Variants in ADCY2 observed in about 807,000 individuals in gnomAD.
ADCY2 encodes adenylate cyclase type 2.
Under a neutral mutation model 125.2 loss-of-function variants are expected in ADCY2, and 31 were observed. The ratio of observed to expected loss-of-function variants is 0.25; its 90% confidence interval spans 0.19 to 0.33. The LOEUF (loss-of-function observed/expected upper bound fraction) is 0.33, where lower values mean the gene tolerates loss of function less well. ADCY2 is among the 10% of genes least tolerant of loss of function. The probability of loss-of-function intolerance (pLI) is 1.00; values close to 1 mark genes in which losing one functional copy is unlikely to be tolerated. For synonymous variants in ADCY2, 512 were observed against 548.4 expected (o/e 0.93, Z 0.93); for missense variants, 904 against 1,418.2 (o/e 0.64, Z 5.82).
chr5:7,730,045 C>G (rs1742054300), intron 14 of ADCY2, among the ~76,000 whole-genome samples: 2 of 152,132 alleles, frequency 1.3e-5, no homozygotes, highest in South Asian at 4.1e-4. Flanking sequence ...TACCCTTCCC[C>G]CTTTGGAGTC....
chr5:7,712,781 G>A, intron 10 of ADCY2, 75 bp from the exon 11 acceptor site: 2 of 1,013,674 alleles, frequency 2.0e-6, no homozygotes, highest in Non-Finnish European at 3.1e-6. Flanking sequence ...GAGGAAATAT[G>A]TTTCACCTAA....
At chr5:7,536,207 T>C (rs1734806336) in intron 3 of ADCY2, among the ~76,000 whole-genome samples, 1 of 152,232 alleles carries the variant, frequency 6.6e-6, no homozygotes, top group Non-Finnish European at 1.5e-5. Context: ...TCCTCCAGAC[T>C]TTCCCTGCTG....
chr5:7,447,647 T>C (rs1301568423), intron 2 of ADCY2, among the ~76,000 whole-genome samples: 1 of 152,182 alleles, frequency 6.6e-6, no homozygotes, highest in African/African-American at 2.4e-5. Context: ...CAGGGGGTCC[T>C]GCACAGTGAA....
chr5:7,459,772 A>ATTTTTTTTTTTTTTTTTT (rs3033085), intron 2 of ADCY2, among the ~76,000 whole-genome samples: 2 of 72,862 alleles, frequency 2.7e-5, no homozygotes, highest in African/African-American at 6.1e-5. Flanking sequence ...TTAAGAGGTA[A>ATTTTTTTTTTTTTTTTTT]TTTTTTTTTT....
intron 1 of ADCY2, among the ~76,000 whole-genome samples, chr5:7,404,543 C>A (rs560581733): frequency 1.1e-4 from 17 of 152,362 alleles, no homozygotes; most frequent in Admixed American, 7.8e-4. Context: ...CAACACACTT[C>A]TTTCCTAATT....
rs535518166 is a variant in ADCY2 at position 7,423,483 on chromosome 5, A to T, written c.408+8713A>T. 2.6e-5 allele frequency among the ~76,000 whole-genome samples: 4 copies of T among 152,266 alleles called. No individual in the cohort carries two copies. In the South Asian group the frequency reaches 8.3e-4, roughly 32 times the overall value. On this transcript the variant is annotated intron_variant, in intron 2 of 24. Coordinates refer to ENST00000338316, the MANE Select transcript of ADCY2 (RefSeq NM_020546.3). ...GTTCTGGTGATAGTGAGTAAGTCTT[A>T]TGAGATCTGATGGTTTTATAAAGGA... is the stretch of plus-strand genomic sequence containing the variant.
chr5:7,647,453 G>A (rs1738939331), intron 4 of ADCY2, among the ~76,000 whole-genome samples: 1 of 152,100 alleles, frequency 6.6e-6, no homozygotes, highest in South Asian at 2.1e-4. Flanking sequence ...AGTGCATGTG[G>A]GCCCTGTGTG....
Position 7,826,712 on chromosome 5 carries a change from C to T in ADCY2, c.3124-7C>T. ...AGCCCGTTTTCCCGTGTTCCTGTGC[C>T]TTCTAGGTTACCGAGGAGACGAGCC... On this transcript the variant is annotated splice_polypyrimidine_tract_variant and splice_region_variant and intron_variant, in intron 24 of 24. Transcript: ENST00000338316. 6.2e-7 allele frequency: 1 copy of T among 1,613,888 alleles called. No individual in the cohort carries two copies. Among genetic ancestry groups the T allele is most frequent in the South Asian group, 1.1e-5 (1 of 91,000 alleles).
chr5:7,665,159 C>G (rs1314832635), intron 4 of ADCY2, among the ~76,000 whole-genome samples: 3 of 152,162 alleles, frequency 2.0e-5, no homozygotes, highest in Non-Finnish European at 2.9e-5. Flanking sequence ...GCCATGGTCA[C>G]TCATATTTGG....
At chr5:7,518,328 T>C (rs933524969) in intron 2 of ADCY2, among the ~76,000 whole-genome samples, 2 of 151,974 alleles carry the variant, frequency 1.3e-5, no homozygotes, top group African/African-American at 4.8e-5. Context: ...CCTGTGTAGA[T>C]AGAGCATCGC....
chr5:7,708,163 T>C, intron 9 of ADCY2: 1 of 196,990 alleles, frequency 5.1e-6, no homozygotes, highest in Non-Finnish European at 1.0e-5. Flanking sequence ...TGTTGATACC[T>C]GTCAGTTGGG....
chr5:7,609,699 T>C (rs186948908), intron 3 of ADCY2, among the ~76,000 whole-genome samples: 1 of 152,166 alleles, frequency 6.6e-6, no homozygotes, highest in Non-Finnish European at 1.5e-5. Context: ...ACATTTACTT[T>C]TGGCAAATGA....
chr5:7,492,998 G>T (rs1743219639), intron 2 of ADCY2, among the ~76,000 whole-genome samples: 2 of 152,186 alleles, frequency 1.3e-5, no homozygotes, highest in African/African-American at 4.8e-5. Context: ...CTTGTGCTCA[G>T]CCGGGGTTCT....
chr5:7,767,414 A>G (rs1743417056), intron 17 of ADCY2, among the ~76,000 whole-genome samples: 1 of 147,388 alleles, frequency 6.8e-6, no homozygotes, highest in Non-Finnish European at 1.5e-5. Context: ...CGTTTGTGGA[A>G]AAAAAAAAAG....
intron 3 of ADCY2, among the ~76,000 whole-genome samples, chr5:7,594,523 G>A (rs576368190): frequency 6.6e-6 from 1 of 152,334 alleles, no homozygotes; most frequent in South Asian, 2.1e-4. Flanking sequence ...GTCCCAGTTT[G>A]TAAGTAGCCA....
At chr5:7,665,681 C>T (rs987328764) in intron 4 of ADCY2, among the ~76,000 whole-genome samples, 11 of 151,922 alleles carry the variant, frequency 7.2e-5, no homozygotes, top group South Asian at 2.1e-4. Flanking sequence ...CTTAGGTCAT[C>T]GCTGGAGAGA....
chr5:7,743,579 T>A, intron 14 of ADCY2, 89 bp from the exon 15 acceptor site: 1 of 1,186,096 alleles, frequency 8.4e-7, no homozygotes, highest in Non-Finnish European at 1.2e-6. Flanking sequence ...TTTAATAAAG[T>A]CCTCGTTAAC....
At chr5:7,820,718 G>T (rs748909715) in intron 24 of ADCY2, 29 bp downstream of exon 24, 56 of 1,601,238 alleles carry the variant, frequency 3.5e-5, no homozygotes, top group Non-Finnish European at 4.4e-5. Flanking sequence ...TGCGCTGCCT[G>T]CATCAACCAT....
chr5:7,659,343 T>C (rs1025203924), intron 4 of ADCY2, among the ~76,000 whole-genome samples: 1 of 152,248 alleles, frequency 6.6e-6, no homozygotes, highest in Admixed American at 6.5e-5. Flanking sequence ...ACATGACTTC[T>C]TTGTGTGTAT....
Sources: allele counts gnomAD v4.1 joint callset (sites outside exome capture counted in the v4.1 genomes callset), GRCh38; gene constraint gnomAD v4.1.1; transcripts MANE v1.5; gene names NCBI Gene and HGNC (gene_info 2026-07-23, HGNC 2026-07-21).